CRYM: variants seen among roughly 807,000 people sequenced by gnomAD.
CRYM encodes the protein crystallin mu.
CRYM carries 18 observed loss-of-function variants against 32.9 expected under a neutral mutation model. That is an observed-to-expected ratio of 0.55 (90% CI 0.38 to 0.81). The LOEUF is 0.81. Ranked by LOEUF, CRYM falls within the 30% of genes least tolerant of loss-of-function variation. The pLI is 0.00. For synonymous variants in CRYM, 153 were observed against 152.4 expected (o/e 1.00, Z -0.03); for missense variants, 337 against 393.5 (o/e 0.86, Z 1.21).
chr16:21,271,884 A>C (rs1315442107), intron 3 of CRYM, among the ~76,000 whole-genome samples: 1 of 151,846 alleles, frequency 6.6e-6, no homozygotes, highest in Non-Finnish European at 1.5e-5. Flanking sequence ...TTTCCGAGAC[A>C]GTCTCGCTTT....
chr16:21,278,029 C>T (rs760931865), intron 1 of CRYM, 53 bp downstream of exon 1: 3 of 1,515,658 alleles, frequency 2.0e-6, no homozygotes, highest in South Asian at 2.5e-5. Context: ...CCTGCTCCTC[C>T]TTTCCCCGCT....
At chr16:21,272,816 A>ATTTTTTTT (rs60416570) in intron 3 of CRYM, among the ~76,000 whole-genome samples, 1 of 42,292 alleles carries the variant, frequency 2.4e-5, no homozygotes, top group Non-Finnish European at 4.2e-5. Context: ...TGCCCAGCTA[A>ATTTTTTTT]TTTTTTTTTT....
At chr16:21,259,028 T>C (rs577550709) in intron 7 of CRYM, among the ~76,000 whole-genome samples, 183 bp from the exon 8 acceptor site, 9 of 152,238 alleles carry the variant, frequency 5.9e-5, no homozygotes, top group African/African-American at 1.9e-4. Context: ...GAGAATATGA[T>C]AGTAAGAAAC....
chr16:21,272,251 C>T (rs754784360), intron 3 of CRYM, among the ~76,000 whole-genome samples: 6 of 152,142 alleles, frequency 3.9e-5, no homozygotes, highest in East Asian at 3.8e-4. Context: ...ATTAAGTACA[C>T]GTATATGAAT....
At chr16:21,276,607 G>C (rs148819453) in intron 2 of CRYM, among the ~76,000 whole-genome samples, 127 of 152,266 alleles carry the variant, frequency 8.3e-4, no homozygotes, top group African/African-American at 2.9e-3. Flanking sequence ...ACAGAAATTG[G>C]GGGGAAGGGG....
At chr16:21,301,059 GGC>G (rs1359684307) in intron 1 of CRYM, 1 of 152,472 alleles carries the variant, frequency 6.6e-6, no homozygotes, top group Non-Finnish European at 1.5e-5. Context: ...CAGCGCGCGT[GGC>G]GCGGGGTCTG....
At chr16:21,294,256 A>C (rs1169543606) in intron 1 of CRYM, among the ~76,000 whole-genome samples, 2 of 152,196 alleles carry the variant, frequency 1.3e-5, no homozygotes, top group Non-Finnish European at 2.9e-5. Context: ...GTCTTGAAGC[A>C]GGAGTAGTCT....
At chr16:21,267,134 G>C (rs2093365340) in intron 5 of CRYM, among the ~76,000 whole-genome samples, 1 of 152,198 alleles carries the variant, frequency 6.6e-6, no homozygotes, top group South Asian at 2.1e-4. Context: ...GTCTCTCTCT[G>C]TTGCCCAGGC....
At chr16:21,291,507 A>G (rs1224564543) in intron 1 of CRYM, among the ~76,000 whole-genome samples, 1 of 152,132 alleles carries the variant, frequency 6.6e-6, no homozygotes, top group East Asian at 1.9e-4. Flanking sequence ...CTTGCTCAAC[A>G]CCACAAAATT....
intron 1 of CRYM, among the ~76,000 whole-genome samples, chr16:21,284,858 T>A (rs2093404924): frequency 6.6e-6 from 1 of 152,222 alleles, no homozygotes; most frequent in South Asian, 2.1e-4. Flanking sequence ...CCAAACTGCT[T>A]TCCACAGTTT....
At chr16:21,261,575 G>GTC in intron 6 of CRYM, 1 of 575,534 alleles carries the variant, frequency 1.7e-6, no homozygotes, top group Non-Finnish European at 3.1e-6. Context: ...TCGAGTTGGT[G>GTC]CTCAGGGAGC....
chr16:21,279,388 C>A (rs902025173), upstream of CRYM, among the ~76,000 whole-genome samples: 5 of 152,152 alleles, frequency 3.3e-5, no homozygotes, highest in African/African-American at 1.2e-4. Context: ...TATTCCTAAT[C>A]ATTAAGCTAC....
Position 21,275,525 on chromosome 16 carries a change from A to G in CRYM, c.387+7T>C, listed in dbSNP as rs765695341. The G allele has an allele frequency of 6.2e-7, 1 of 1,613,038 alleles. No homozygotes were observed. Among genetic ancestry groups the G allele is most frequent in the Non-Finnish European group, 8.5e-7 (1 of 1,179,174 alleles). ...ACCTTAATGGTACAGCCAGCCATTC[A>G]TCTTACCTTGGTGGCAATGGCAGAA... is the stretch of plus-strand genomic sequence containing the variant. On this transcript the variant is annotated splice_region_variant and intron_variant, in intron 3 of 7. Transcript: ENST00000572914.
intron 1 of CRYM, among the ~76,000 whole-genome samples, chr16:21,288,067 A>G (rs1280131665): frequency 6.6e-6 from 1 of 152,218 alleles, no homozygotes; most frequent in Non-Finnish European, 1.5e-5. Flanking sequence ...AAAAATCACA[A>G]GGGAAATTCG....
chr16:21,262,300 T>G, intron 5 of CRYM, 142 bp from the exon 6 acceptor site: 1 of 986,208 alleles, frequency 1.0e-6, no homozygotes, highest in East Asian at 2.7e-5. Flanking sequence ...GGCCATGCTC[T>G]CCCAATCAGT....
intron 1 of CRYM, among the ~76,000 whole-genome samples, chr16:21,286,927 A>G (rs2093408338): frequency 6.6e-6 from 1 of 151,926 alleles, no homozygotes; most frequent in East Asian, 1.9e-4. Flanking sequence ...CATCTCTACT[A>G]AAAATACAAA....
chr16:21,267,042 T>C (rs2093365172), intron 5 of CRYM, among the ~76,000 whole-genome samples: 1 of 152,110 alleles, frequency 6.6e-6, no homozygotes, highest in Admixed American at 6.5e-5. Flanking sequence ...TATAGAACAT[T>C]AAATATTCTT....
chr16:21,301,753 G>T (rs1960944485), intron 1 of CRYM, among the ~76,000 whole-genome samples: 1 of 152,214 alleles, frequency 6.6e-6, no homozygotes, highest in African/African-American at 2.4e-5. Context: ...TCCCGGCCGG[G>T]TCCGCGCGAG....
rs1156506834 is a variant in CRYM at position 21,277,237 on chromosome 16, G to A, written c.324+194C>T. 6.6e-6 allele frequency among the ~76,000 whole-genome samples: 1 copy of A among 152,186 alleles called. No homozygotes were observed. The highest frequency in any genetic ancestry group is 1.5e-5 in the Non-Finnish European group (1 of 68,028). On this transcript the variant is annotated intron_variant, in intron 2 of 7. Coordinates refer to ENST00000572914, the MANE Select transcript of CRYM (RefSeq NM_001376256.1). This position sits in a 1 kb window ranked among gnomAD's most constrained non-coding sequence, Gnocchi z 4.2. ...TGAGGCAGCAGTGGGCGCTGGTGCC[G>A]TGTTATGCATCCTCAGGCAGTCCTA...
Sources: allele counts gnomAD v4.1 joint callset (sites outside exome capture counted in the v4.1 genomes callset), GRCh38; gene constraint gnomAD v4.1.1; non-coding constraint Gnocchi (gnomAD v3.1); transcripts MANE v1.5; gene names NCBI Gene and HGNC (gene_info 2026-07-23, HGNC 2026-07-21).